PLCB4: variants seen among roughly 807,000 people sequenced by gnomAD.
PLCB4 encodes 1-phosphatidylinositol 4,5-bisphosphate phosphodiesterase beta-4.
PLCB4 carries 77 observed loss-of-function variants against 178.8 expected under a neutral mutation model. The ratio of observed to expected loss-of-function variants is 0.43; its 90% confidence interval spans 0.36 to 0.52. The LOEUF (loss-of-function observed/expected upper bound fraction) is 0.52. PLCB4 is among the 20% of genes least tolerant of loss of function. PLCB4 has a pLI of 0.00. For synonymous variants in PLCB4, 496 were observed against 490.8 expected (o/e 1.01, Z -0.14); for missense variants, 1,024 against 1,453.4 (o/e 0.70, Z 4.80).
intron 28 of PLCB4, among the ~76,000 whole-genome samples, chr20:9,428,449 G>A (rs900425555): frequency 2.6e-5 from 4 of 152,118 alleles, no homozygotes; most frequent in Non-Finnish European, 5.9e-5. Flanking sequence ...ATGGCTCCTG[G>A]GATGTATGGT....
chr20:9,205,546 C>T (rs1371983370), intron 2 of PLCB4, among the ~76,000 whole-genome samples: 2 of 152,116 alleles, frequency 1.3e-5, no homozygotes, highest in Admixed American at 1.3e-4. Flanking sequence ...CAGTTTTCCC[C>T]ACTGGTAATA....
chr20:9,352,793 AT>A (rs1413125243), intron 7 of PLCB4, among the ~76,000 whole-genome samples: 15 of 152,230 alleles, frequency 9.9e-5, no homozygotes, highest in African/African-American at 3.6e-4. Context: ...ATATGATTTA[AT>A]TTTGTCTAGG....
intron 19 of PLCB4, among the ~76,000 whole-genome samples, chr20:9,399,337 A>G (rs1460792335): frequency 2.0e-5 from 3 of 152,318 alleles, no homozygotes; most frequent in South Asian, 4.1e-4. Flanking sequence ...TGTGATTCTT[A>G]GGTTGCCTCA....
intron 2 of PLCB4, among the ~76,000 whole-genome samples, chr20:9,141,159 G>A (rs117718161): frequency 0.021 from 3,156 of 152,164 alleles, 48 homozygotes; most frequent in Non-Finnish European, 0.031. Flanking sequence ...CCACCATGGG[G>A]CCCTAAATCT....
intron 3 of PLCB4, among the ~76,000 whole-genome samples, chr20:9,245,859 C>T (rs1159854465): frequency 6.6e-6 from 1 of 151,954 alleles, no homozygotes; most frequent in Non-Finnish European, 1.5e-5. Context: ...GTCTCGAACT[C>T]ATGACCTCGT....
rs138315388 is a variant in PLCB4 at position 9,231,244 on chromosome 20, A to G, written c.-16+13792A>G. 4.7e-4 allele frequency among the ~76,000 whole-genome samples: 71 copies of G among 152,222 alleles called. No individual in the cohort carries two copies. The East Asian group carries it at 0.011, about 24-fold the overall frequency. ...GGTGATAGTTCCCTTTTCTTCCCAT[A>G]TCTTACTTTGAATGAAGCCTCCATG... is the stretch of plus-strand genomic sequence containing the variant. On this transcript the variant is annotated intron_variant, in intron 3 of 39. Coordinates refer to ENST00000378473, the MANE Select transcript of PLCB4 (RefSeq NM_001377142.1).
intron 25 of PLCB4, among the ~76,000 whole-genome samples, chr20:9,416,529 A>G (rs2040260191): frequency 1.3e-5 from 2 of 152,154 alleles, no homozygotes; most frequent in African/African-American, 4.8e-5. Context: ...TTTTCCTTCC[A>G]GAGAAAGCTG....
intron 4 of PLCB4, among the ~76,000 whole-genome samples, chr20:9,334,720 C>A (rs1460840228): frequency 6.6e-6 from 1 of 151,938 alleles, no homozygotes; most frequent in Non-Finnish European, 1.5e-5. Flanking sequence ...GAGGAGGGAA[C>A]TGGTGCGTAG....
At chr20:9,137,820 A>G (rs1165640026) in intron 2 of PLCB4, among the ~76,000 whole-genome samples, 1 of 151,252 alleles carries the variant, frequency 6.6e-6, no homozygotes, top group African/African-American at 2.4e-5. Context: ...AACAGAAAAC[A>G]CCCATTCTGT....
chr20:9,330,521 A>G (rs548844978), intron 4 of PLCB4, among the ~76,000 whole-genome samples: 1 of 152,304 alleles, frequency 6.6e-6, no homozygotes, highest in East Asian at 1.9e-4. Flanking sequence ...TCAGACAGGC[A>G]TGGGCTTTGG....
chr20:9,338,286 C>A (rs888174324), intron 6 of PLCB4, among the ~76,000 whole-genome samples: 2 of 152,146 alleles, frequency 1.3e-5, no homozygotes, highest in African/African-American at 4.8e-5. Context: ...GCTTTGTGGA[C>A]AAGCAGACCC....
intron 32 of PLCB4, among the ~76,000 whole-genome samples, chr20:9,451,738 C>CACTGTGTTTTGAATAAGCTGTA (rs1239637472): frequency 1.3e-5 from 2 of 152,068 alleles, no homozygotes; most frequent in Non-Finnish European, 2.9e-5. Context: ...GTTTGTATGT[C>CACTGTGTTTTGAATAAGCTGTA]ACTGTGTTTT....
chr20:9,402,275 A>G (rs987815306), intron 20 of PLCB4, among the ~76,000 whole-genome samples: 1 of 152,244 alleles, frequency 6.6e-6, no homozygotes, highest in East Asian at 1.9e-4. Flanking sequence ...TAGAAAGAAT[A>G]AGGAAACCAG....
intron 30 of PLCB4, among the ~76,000 whole-genome samples, chr20:9,438,555 T>C (rs938750039): frequency 6.6e-6 from 1 of 151,994 alleles, no homozygotes; most frequent in Non-Finnish European, 1.5e-5. Context: ...GTTCTGTATA[T>C]CACTGAGGAC....
chr20:9,274,479 T>C (rs1428291769), intron 3 of PLCB4, among the ~76,000 whole-genome samples: 2 of 152,080 alleles, frequency 1.3e-5, no homozygotes, highest in Non-Finnish European at 2.9e-5. Flanking sequence ...AATCTGACTT[T>C]TACCCCCCAA....
At chr20:9,440,032 G>T (rs752994591) in intron 30 of PLCB4, among the ~76,000 whole-genome samples, 1 of 152,214 alleles carries the variant, frequency 6.6e-6, no homozygotes, top group Non-Finnish European at 1.5e-5. Flanking sequence ...AAGTGTCATT[G>T]GCTGGGACAA....
intron 1 of PLCB4, among the ~76,000 whole-genome samples, chr20:9,092,862 C>T (rs968504265): frequency 1.3e-5 from 2 of 152,144 alleles, no homozygotes; most frequent in Non-Finnish European, 2.9e-5. Flanking sequence ...AGCTCTCTCT[C>T]TTGTATCTCA....
chr20:9,183,050 C>T (rs769401111), intron 2 of PLCB4, among the ~76,000 whole-genome samples: 19 of 152,200 alleles, frequency 1.2e-4, no homozygotes, highest in Non-Finnish European at 2.6e-4. Context: ...AAGAATCTGT[C>T]TGTGTCTATT....
At position 9,480,714 on chromosome 20, in the gene PLCB4, T is replaced by A. The variant is rs1176873289; in HGVS notation, c.*1705T>A. On this transcript the variant is annotated 3_prime_UTR_variant, in exon 40 of 40. Transcript: ENST00000378473. ...ATATCTCTTGTTCTTAGTTTCCTTA[T>A]CTGTAAAACAGTGGAGTTAGACTAC... The A allele has an allele frequency of 1.3e-5, 2 of 152,202 alleles. No individual in the cohort carries two copies. The highest frequency in any genetic ancestry group is 2.9e-5 in the Non-Finnish European group (2 of 68,038). 9.4% of individuals were successfully genotyped at this position (152,202 alleles called of 1,614,324 possible).
Sources: allele counts gnomAD v4.1 joint callset (sites outside exome capture counted in the v4.1 genomes callset), GRCh38; gene constraint gnomAD v4.1.1; transcripts MANE v1.5; gene names NCBI Gene and HGNC (gene_info 2026-07-23, HGNC 2026-07-21).